The following MYT1L variants were observed in gnomAD, a reference collection of about 807,000 sequenced individuals.
The protein encoded by MYT1L is myelin transcription factor 1 like.
A neutral mutation model predicts 126.7 loss-of-function variants in MYT1L; 12 were observed. The observed-to-expected ratio is 0.09, with a 90% confidence interval of 0.06 to 0.15. The LOEUF (loss-of-function observed/expected upper bound fraction) is 0.15, where lower values mean the gene tolerates loss of function less well. Ranked by LOEUF, MYT1L falls within the 10% of genes least tolerant of loss-of-function variation. The pLI is 1.00. For missense variants in MYT1L, 979 were observed against 1,585.2 expected (o/e 0.62, Z 6.49); for synonymous variants, 541 against 604.2 (o/e 0.90, Z 1.53).
intron 9 of MYT1L, among the ~76,000 whole-genome samples, chr2:1,925,203 T>C (rs1162277965): frequency 6.6e-6 from 1 of 152,232 alleles, no homozygotes; most frequent in African/African-American, 2.4e-5. Context: ...GATGTTCTCC[T>C]ACATTTCCTT....
At chr2:2,145,201 C>T (rs2084690781) in intron 3 of MYT1L, among the ~76,000 whole-genome samples, 2 of 152,134 alleles carry the variant, frequency 1.3e-5, no homozygotes, top group South Asian at 4.1e-4. Context: ...GAAGGTGTGG[C>T]CTCATTGTCT....
Position 1,943,006 on chromosome 2 carries a change from C to A in MYT1L, c.481G>T (p.Glu161Ter). ...DEEEEEEEEE[E>*]EEEEEENEDH... Reference sequence around the variant, plus strand: ...CCGTTTTCTTCTTCCTCTTCCTCCTCCTCCTCCTCCTCCTCTTCCTCTTCT... The same window carrying A: ...CCGTTTTCTTCTTCCTCTTCCTCCTACTCCTCCTCCTCCTCTTCCTCTTCT... The change falls in exon 9 of 25, where the codon GAG becomes TAG. Residue 161 changes from glutamate (E) to a stop codon, truncating the protein, a stop_gained. Coordinates refer to ENST00000647738, the MANE Select transcript of MYT1L (RefSeq NM_001303052.2). LOFTEE classifies it high-confidence loss of function. This position sits in a 1 kb window ranked among gnomAD's most constrained non-coding sequence, Gnocchi z 4.4. 6.5e-7 allele frequency: 1 copy of A among 1,528,940 alleles called. No individual in the cohort carries two copies. 94.7% of individuals were successfully genotyped at this position (1,528,940 alleles called of 1,614,324 possible). A position where few individuals can be genotyped will look rare whatever the true frequency, so the allele number is the denominator to read the frequency against.
intron 4 of MYT1L, among the ~76,000 whole-genome samples, chr2:2,018,431 G>A (rs1302039754): frequency 1.3e-5 from 2 of 152,148 alleles, no homozygotes; most frequent in African/African-American, 4.8e-5. Flanking sequence ...GGAAGGACCT[G>A]CATTGGTCAC....
chr2:2,031,769 T>C (rs1401410256), intron 4 of MYT1L, among the ~76,000 whole-genome samples: 25 of 120,688 alleles, frequency 2.1e-4, no homozygotes, highest in East Asian at 8.2e-4. Context: ...GAGGGCCTTA[T>C]ACACACCCCT....
At chr2:2,232,461 T>C (rs1193787342) in intron 2 of MYT1L, among the ~76,000 whole-genome samples, 5 of 150,924 alleles carry the variant, frequency 3.3e-5, no homozygotes, top group Middle Eastern at 3.5e-3. Flanking sequence ...TCTGCTCTTC[T>C]ACCCACTTCA....
intron 2 of MYT1L, among the ~76,000 whole-genome samples, chr2:2,215,602 C>T (rs1014455732): frequency 2.0e-5 from 3 of 152,166 alleles, no homozygotes; most frequent in African/African-American, 7.2e-5. Flanking sequence ...TTTAACCCTC[C>T]TATCCTGATA....
At chr2:2,019,060 A>G (rs1250838609) in intron 4 of MYT1L, among the ~76,000 whole-genome samples, 1 of 152,140 alleles carries the variant, frequency 6.6e-6, no homozygotes, top group Non-Finnish European at 1.5e-5. Flanking sequence ...TCTCACAAAA[A>G]GAAATTAATT....
At chr2:1,805,213 T>C (rs2035506433) in intron 22 of MYT1L, among the ~76,000 whole-genome samples, 1 of 152,174 alleles carries the variant, frequency 6.6e-6, no homozygotes, top group African/African-American at 2.4e-5. Context: ...AAAAATACTT[T>C]AGAGCCAGAA....
chr2:2,016,754 G>A (rs1162701070), intron 4 of MYT1L, among the ~76,000 whole-genome samples: 1 of 152,242 alleles, frequency 6.6e-6, no homozygotes, highest in African/African-American at 2.4e-5. Context: ...GTATGCACAT[G>A]CATCTGTAAT....
At chr2:2,269,364 C>G (rs1053764301) in intron 2 of MYT1L, among the ~76,000 whole-genome samples, 2 of 152,200 alleles carry the variant, frequency 1.3e-5, no homozygotes, top group Non-Finnish European at 2.9e-5. Context: ...CTGCAGCCCA[C>G]ATTCTGAGCA....
chr2:2,145,132 C>T (rs1040116569), intron 3 of MYT1L, among the ~76,000 whole-genome samples: 3 of 152,148 alleles, frequency 2.0e-5, no homozygotes, highest in Admixed American at 6.5e-5. Flanking sequence ...ATTGAAGGAG[C>T]CCACGCCTTA....
chr2:2,189,403 A>G (rs1475950047), intron 2 of MYT1L, among the ~76,000 whole-genome samples: 1 of 152,190 alleles, frequency 6.6e-6, no homozygotes, highest in African/African-American at 2.4e-5. Flanking sequence ...AGCCAAAACA[A>G]CTTATGCAAT....
At chr2:1,937,845 A>G (rs1573763872) in intron 9 of MYT1L, among the ~76,000 whole-genome samples, 1 of 152,184 alleles carries the variant, frequency 6.6e-6, no homozygotes, top group East Asian at 1.9e-4. Flanking sequence ...CCTCCTCCTC[A>G]GAGGCCAGCA....
intron 14 of MYT1L, among the ~76,000 whole-genome samples, chr2:1,892,863 A>G (rs1432169832): frequency 6.6e-6 from 1 of 152,160 alleles, no homozygotes; most frequent in Non-Finnish European, 1.5e-5. Context: ...TGGGAGGTGG[A>G]TTTCTGGCTG....
At chr2:1,819,287 T>C (rs1275791058) in intron 21 of MYT1L, among the ~76,000 whole-genome samples, 1 of 152,190 alleles carries the variant, frequency 6.6e-6, no homozygotes, top group Admixed American at 6.5e-5. Flanking sequence ...TCAGCAACAC[T>C]TACCTCCTGT....
At chr2:2,233,218 T>A (rs937248000) in intron 2 of MYT1L, among the ~76,000 whole-genome samples, 6 of 152,200 alleles carry the variant, frequency 3.9e-5, no homozygotes, top group Admixed American at 6.5e-5. Context: ...CAAGGTCAGA[T>A]GATCAGCGAG....
chr2:1,971,711 A>C (rs543639537), intron 8 of MYT1L, among the ~76,000 whole-genome samples: 8 of 152,320 alleles, frequency 5.3e-5, no homozygotes, highest in African/African-American at 1.9e-4. Flanking sequence ...AGCCTGGGCG[A>C]CAGAGCGAGA....
chr2:2,192,804 C>A (rs938238931), intron 2 of MYT1L, among the ~76,000 whole-genome samples: 1 of 152,090 alleles, frequency 6.6e-6, no homozygotes, highest in African/African-American at 2.4e-5. Context: ...CACAGAATGG[C>A]CCCTCCTTTA....
At chr2:1,923,342 T>C (rs549059678) in intron 9 of MYT1L, 79 bp from the exon 10 acceptor site, 9 of 1,193,688 alleles carry the variant, frequency 7.5e-6, no homozygotes, top group Admixed American at 2.4e-5. Context: ...TGCAACAGCA[T>C]GGATAGCACG....
Sources: gnomAD v4.1 joint callset for allele counts (sites outside exome capture counted in the v4.1 genomes callset) on GRCh38, gnomAD v4.1.1 for gene constraint, Gnocchi (gnomAD v3.1) non-coding constraint, MANE v1.5 for transcripts, NCBI Gene and HGNC (gene_info 2026-07-23, HGNC 2026-07-21) for gene names.